Variants in PTPRG observed in about 807,000 individuals in gnomAD.
PTPRG encodes protein tyrosine phosphatase receptor type G.
In PTPRG, 102 loss-of-function variants were observed where a neutral mutation model predicts 165.3. That is an observed-to-expected ratio of 0.62 (90% CI 0.53 to 0.73). The LOEUF (loss-of-function observed/expected upper bound fraction) is 0.73, where lower values mean the gene tolerates loss of function less well. Among genes scored for constraint, PTPRG ranks in the 30% least tolerant of loss-of-function variants. The probability of loss-of-function intolerance (pLI) is 0.00; values close to 1 mark genes in which losing one functional copy is unlikely to be tolerated. For synonymous variants in PTPRG, 675 were observed against 669.5 expected (o/e 1.01, Z -0.13); for missense variants, 1,866 against 1,861.4 (o/e 1.00, Z -0.05).
At chr3:61,776,207 G>A (rs879709458) in intron 2 of PTPRG, among the ~76,000 whole-genome samples, 4 of 152,010 alleles carry the variant, frequency 2.6e-5, no homozygotes, top group East Asian at 3.9e-4. Context: ...GAGTGGGAGC[G>A]TAAAGAATAC....
At chr3:61,867,429 C>T (rs191106476) in intron 2 of PTPRG, among the ~76,000 whole-genome samples, 27 of 152,216 alleles carry the variant, frequency 1.8e-4, no homozygotes, top group Admixed American at 3.3e-4. Flanking sequence ...CATTCCAAGG[C>T]GAGTCTTTTC....
intron 4 of PTPRG, among the ~76,000 whole-genome samples, chr3:62,025,075 T>C (rs1179258076): frequency 6.6e-6 from 1 of 152,182 alleles, no homozygotes; most frequent in African/African-American, 2.4e-5. Context: ...TATAATAGGC[T>C]GGGAGCTGGT....
At position 61,830,922 on chromosome 3, in the gene PTPRG, T is replaced by C. The variant is rs2036271436; in HGVS notation, c.190+81940T>C. ...ATAAATGCATCAAAATTTGTGGAGC[T>C]GTAGTGAAATTTGTGCTTTGTTTTT... On this transcript the variant is annotated intron_variant, in intron 2 of 29. Coordinates refer to ENST00000474889, the MANE Select transcript of PTPRG (RefSeq NM_002841.4). Among the ~76,000 whole-genome samples the C allele has an allele frequency of 5.3e-5, 8 of 152,342 alleles. 1 individual carries two copies. In the South Asian group the frequency reaches 1.7e-3, roughly 32 times the overall value.
At chr3:62,130,564 A>T (rs76176614) in intron 5 of PTPRG, among the ~76,000 whole-genome samples, 4,077 of 152,232 alleles carry the variant, frequency 0.027, 77 homozygotes, top group Admixed American at 0.042. Flanking sequence ...CACCAGAATG[A>T]ATCAAAGGGA....
At chr3:61,639,520 T>A (rs1375705169) in intron 1 of PTPRG, among the ~76,000 whole-genome samples, 10 of 152,252 alleles carry the variant, frequency 6.6e-5, no homozygotes, top group Admixed American at 6.5e-4. Context: ...GTTTTAACGA[T>A]ATTGATTCTT....
chr3:61,713,422 C>T (rs1199506155), intron 1 of PTPRG, among the ~76,000 whole-genome samples: 2 of 151,592 alleles, frequency 1.3e-5, no homozygotes, highest in African/African-American at 2.4e-5. Context: ...CCACCCGCCT[C>T]GGCTTCCCAA....
chr3:62,063,876 A>G (rs1288087287), intron 4 of PTPRG, among the ~76,000 whole-genome samples: 1 of 152,130 alleles, frequency 6.6e-6, no homozygotes, highest in African/African-American at 2.4e-5. Flanking sequence ...TCATTGTGGT[A>G]AAAGATACAT....
At chr3:62,166,298 C>T (rs1394152132) in intron 7 of PTPRG, among the ~76,000 whole-genome samples, 7 of 129,866 alleles carry the variant, frequency 5.4e-5, no homozygotes, top group African/African-American at 2.0e-4. Context: ...CTGTTCCATT[C>T]CTCATATGTA....
chr3:61,810,001 T>A (rs184155079), intron 2 of PTPRG, among the ~76,000 whole-genome samples: 3 of 152,280 alleles, frequency 2.0e-5, no homozygotes, highest in Admixed American at 6.5e-5. Context: ...ACCTTATAGC[T>A]GCAATGGGGG....
intron 25 of PTPRG, 59 bp downstream of exon 25, chr3:62,277,107 A>T (rs190519214): frequency 5.4e-6 from 7 of 1,288,030 alleles, no homozygotes; most frequent in Non-Finnish European, 7.9e-6. Flanking sequence ...GTTAAAGAGC[A>T]GATACCACCT....
chr3:62,215,341 T>C (rs1025308868), intron 12 of PTPRG, among the ~76,000 whole-genome samples: 3 of 152,332 alleles, frequency 2.0e-5, no homozygotes, highest in Middle Eastern at 3.4e-3. Context: ...GTCGCTCTTA[T>C]TTTTGCTTGG....
intron 1 of PTPRG, among the ~76,000 whole-genome samples, chr3:61,572,834 A>G (rs764172610): frequency 3.9e-4 from 60 of 152,318 alleles, no homozygotes; most frequent in Non-Finnish European, 7.4e-4. Context: ...GTTATTTACA[A>G]TACTCAGCTG....
intron 1 of PTPRG, among the ~76,000 whole-genome samples, chr3:61,644,560 G>A (rs547654240): frequency 1.4e-4 from 22 of 152,094 alleles, no homozygotes; most frequent in Non-Finnish European, 3.1e-4. Flanking sequence ...CTAAGGATAC[G>A]CATCTCGTAT....
At chr3:62,246,917 C>G (rs1701300092) in intron 15 of PTPRG, among the ~76,000 whole-genome samples, 1 of 152,064 alleles carries the variant, frequency 6.6e-6, no homozygotes, top group African/African-American at 2.4e-5. Context: ...AGACAACAGA[C>G]ATAACTAGTA....
chr3:62,274,125 A>G (rs1192243672), intron 23 of PTPRG, among the ~76,000 whole-genome samples: 1 of 152,172 alleles, frequency 6.6e-6, no homozygotes, highest in East Asian at 1.9e-4. Context: ...ATAGTACTTT[A>G]AAGTAACTCG....
chr3:61,830,469 G>C (rs2036248466), intron 2 of PTPRG, among the ~76,000 whole-genome samples: 1 of 151,850 alleles, frequency 6.6e-6, no homozygotes, highest in South Asian at 2.1e-4. Context: ...GGCTTCTCCA[G>C]GTTTGCTGAT....
In PTPRG at chr3:62,273,606, G is replaced by A; in HGVS notation, c.3319-92G>A. 1 of 1,313,820 alleles carries A rather than the reference G, an allele frequency of 7.6e-7. No homozygotes were observed. The highest frequency in any genetic ancestry group is 1.1e-6 in the Non-Finnish European group (1 of 926,996). The allele number at this position is 1,313,820 out of a possible 1,614,324, so 81.4% of individuals were successfully genotyped here. On this transcript the variant is annotated intron_variant, in intron 22 of 29. Coordinates refer to ENST00000474889, the MANE Select transcript of PTPRG (RefSeq NM_002841.4). This position sits in a 1 kb window ranked among gnomAD's most constrained non-coding sequence, Gnocchi z 4.1. ...TGAAGGAAATCACTGGGAGGTCCCT[G>A]TTAGCAGCAGAATTAAACTAAGGTA...
At chr3:61,694,010 A>G (rs1017349908) in intron 1 of PTPRG, among the ~76,000 whole-genome samples, 3 of 142,206 alleles carry the variant, frequency 2.1e-5, no homozygotes, top group Non-Finnish European at 3.1e-5. Context: ...TCCATCTCCA[A>G]AAAAAAAAAA....
intron 13 of PTPRG, among the ~76,000 whole-genome samples, chr3:62,225,518 GTTTT>G (rs572658241): frequency 7.1e-6 from 1 of 141,248 alleles, no homozygotes; most frequent in African/African-American, 2.6e-5. Flanking sequence ...TTTTAGTTTT[GTTTT>G]TTTTTTTTCT....
Sources: gnomAD v4.1 joint callset for allele counts (sites outside exome capture counted in the v4.1 genomes callset) on GRCh38, gnomAD v4.1.1 for gene constraint, Gnocchi (gnomAD v3.1) non-coding constraint, MANE v1.5 for transcripts, NCBI Gene and HGNC (gene_info 2026-07-23, HGNC 2026-07-21) for gene names.